CAPN9: variants seen among roughly 807,000 people sequenced by gnomAD.
The protein encoded by CAPN9 is calpain 9, also known as calpain-9.
CAPN9 carries 81 observed loss-of-function variants against 92.8 expected under a neutral mutation model. The observed-to-expected ratio is 0.87, with a 90% confidence interval of 0.73 to 1.05. The LOEUF (loss-of-function observed/expected upper bound fraction) is 1.05, where lower values mean the gene tolerates loss of function less well. Among genes scored for constraint, CAPN9 ranks in the 50% least tolerant of loss-of-function variants. CAPN9 has a pLI of 0.00. For missense variants in CAPN9, 848 were observed against 866.2 expected (o/e 0.98, Z 0.26); for synonymous variants, 304 against 328.0 (o/e 0.93, Z 0.79).
chr1:230,761,354 G>C (rs531775826), intron 3 of CAPN9, among the ~76,000 whole-genome samples: 2 of 152,200 alleles, frequency 1.3e-5, no homozygotes, highest in African/African-American at 4.8e-5. Flanking sequence ...CAGGCCCCCT[G>C]AGCCAGCCCC....
At chr1:230,764,418 A>G (rs907769937) in intron 4 of CAPN9, among the ~76,000 whole-genome samples, 3 of 152,124 alleles carry the variant, frequency 2.0e-5, no homozygotes, top group Non-Finnish European at 4.4e-5. Context: ...CAACCCCCCA[A>G]TTCTCAGGCC....
At chr1:230,752,714 T>C (rs1572008742) in intron 1 of CAPN9, 32 of 985,040 alleles carry the variant, frequency 3.2e-5, no homozygotes, top group Non-Finnish European at 3.9e-5. Context: ...TATGTCCACT[T>C]GAGGAGTGAG....
intron 11 of CAPN9, among the ~76,000 whole-genome samples, chr1:230,784,089 G>A (rs890931217): frequency 3.9e-5 from 6 of 152,182 alleles, no homozygotes; most frequent in Non-Finnish European, 8.8e-5. Flanking sequence ...AAATTTCTAA[G>A]CAGCAAAGCA....
At chr1:230,792,354 C>T in intron 15 of CAPN9, 72 bp from the exon 16 acceptor site, 1 of 1,331,496 alleles carries the variant, frequency 7.5e-7, no homozygotes, top group African/African-American at 1.4e-5. Flanking sequence ...CTCTGCAGTC[C>T]CAGAGCTGAG....
intron 11 of CAPN9, among the ~76,000 whole-genome samples, chr1:230,784,837 C>T (rs7541655): frequency 0.21 from 32,080 of 152,182 alleles, 3,606 homozygotes; most frequent in African/African-American, 0.29. Context: ...GGGAAGGCGG[C>T]CATCATCCTC....
chr1:230,787,192 GGGT>G (rs1241200024), intron 12 of CAPN9, among the ~76,000 whole-genome samples: 1 of 152,202 alleles, frequency 6.6e-6, no homozygotes, highest in Non-Finnish European at 1.5e-5. Flanking sequence ...TTCCAGTCCA[GGGT>G]GGTAAGAAGT....
intron 5 of CAPN9, among the ~76,000 whole-genome samples, chr1:230,768,258 A>G (rs996789857): frequency 6.6e-6 from 1 of 151,952 alleles, no homozygotes; most frequent in African/African-American, 2.4e-5. Flanking sequence ...CAAATAAAAC[A>G]CAAGTTTTTA....
intron 11 of CAPN9, among the ~76,000 whole-genome samples, chr1:230,783,665 A>G (rs1301907818): frequency 6.6e-6 from 1 of 152,224 alleles, no homozygotes; most frequent in African/African-American, 2.4e-5. Flanking sequence ...TTCTTTGTAA[A>G]TTAGTCTTAG....
At chr1:230,769,406 AAT>A in intron 6 of CAPN9, 143 bp downstream of exon 6, 1 of 620,368 alleles carries the variant, frequency 1.6e-6, no homozygotes. Flanking sequence ...GGCAGGCTGG[AAT>A]TCAAAACGGC....
intron 17 of CAPN9, among the ~76,000 whole-genome samples, chr1:230,794,338 A>AG (rs1668197840): frequency 6.6e-6 from 1 of 151,960 alleles, no homozygotes; most frequent in African/African-American, 2.4e-5. Context: ...AAAATTAACC[A>AG]GTTGTGGTGG....
intron 8 of CAPN9, chr1:230,776,306 T>C (rs1222618648): frequency 6.6e-6 from 1 of 152,166 alleles, no homozygotes; most frequent in African/African-American, 2.4e-5. Flanking sequence ...CACAACCTAG[T>C]CACCTCCCAA....
intron 2 of CAPN9, among the ~76,000 whole-genome samples, chr1:230,758,522 A>G (rs188783782): frequency 9.2e-5 from 14 of 152,224 alleles, no homozygotes; most frequent in Admixed American, 4.6e-4. Flanking sequence ...TCTGCTGGTG[A>G]CACCTCTCAG....
At chr1:230,763,510 C>T (rs1481370060) in intron 4 of CAPN9, among the ~76,000 whole-genome samples, 1 of 152,198 alleles carries the variant, frequency 6.6e-6, no homozygotes, top group East Asian at 1.9e-4. Flanking sequence ...TTTTTAATCA[C>T]CAGCCAAATG....
chr1:230,792,882 C>T lies in CAPN9; in HGVS notation c.1824C>T (p.Ser608=), dbSNP rs141236501. 24 of 1,613,948 alleles carry T rather than the reference C, an allele frequency of 1.5e-5. No individual in the cohort carries two copies. The highest frequency in any genetic ancestry group is 3.3e-5 in the Admixed American group (2 of 60,008). The part of the protein sequence containing the change: ...NLFLRFDADK[S]GTMSTYELRT... ...TCCTTCGGTTTGATGCTGACAAGTCCGGCACCATGTCTACCTATGAACTAC... is the reference window on the plus strand; with the variant it reads ...TCCTTCGGTTTGATGCTGACAAGTCTGGCACCATGTCTACCTATGAACTAC... Residue 608 remains serine (S), a synonymous_variant, in exon 17 of 20, where the codon TCC becomes TCT. Coordinates refer to ENST00000271971, the MANE Select transcript of CAPN9 (RefSeq NM_006615.3).
Position 230,798,441 on chromosome 1 carries a change from T to G in CAPN9, c.2046+221T>G, listed in dbSNP as rs79228732. 9.7e-4 allele frequency among the ~76,000 whole-genome samples: 148 copies of G among 152,310 alleles called. 3 individuals are homozygous for G. Among genetic ancestry groups the G allele is most frequent in the African/African-American group, 3.5e-3 (147 of 41,582 alleles). On this transcript the variant is annotated intron_variant, in intron 19 of 19. Transcript: ENST00000271971. ...AGCTAAGTACCAATAGTATCCCCAT[T>G]TTGCAGGGTGGAAACTGAGGCATAG...
chr1:230,782,132 G>T (rs1430451242), intron 11 of CAPN9, among the ~76,000 whole-genome samples: 1 of 152,176 alleles, frequency 6.6e-6, no homozygotes, highest in Non-Finnish European at 1.5e-5. Context: ...TATTAGTGGG[G>T]TGAGCTCAGA....
intron 4 of CAPN9, among the ~76,000 whole-genome samples, chr1:230,763,910 T>A (rs1009523135): frequency 2.0e-5 from 3 of 152,186 alleles, no homozygotes; most frequent in African/African-American, 7.2e-5. Context: ...CCAAGTCCAG[T>A]GGGTGGGACC....
intron 11 of CAPN9, among the ~76,000 whole-genome samples, chr1:230,785,429 G>A (rs142233819): frequency 0.014 from 2,107 of 152,268 alleles, 28 homozygotes; most frequent in Non-Finnish European, 0.022. Context: ...GTTAGGGGTG[G>A]GGCTTGATGG....
intron 6 of CAPN9, among the ~76,000 whole-genome samples, chr1:230,771,353 T>G (rs1020418260): frequency 6.6e-6 from 1 of 152,248 alleles, no homozygotes; most frequent in Non-Finnish European, 1.5e-5. Context: ...TCTAAAACCC[T>G]TCTCAAATGC....
Sources: allele counts gnomAD v4.1 joint callset (sites outside exome capture counted in the v4.1 genomes callset), GRCh38; gene constraint gnomAD v4.1.1; transcripts MANE v1.5; gene names NCBI Gene and HGNC (gene_info 2026-07-23, HGNC 2026-07-21).